TRAPPC12: variants seen among roughly 807,000 people sequenced by gnomAD.
TRAPPC12 encodes trafficking protein particle complex subunit 12, also known as TPR repeat protein 15.
In TRAPPC12, 61 loss-of-function variants were observed where a neutral mutation model predicts 69.2. The observed-to-expected ratio is 0.88, with a 90% CI of 0.72 to 1.09. The LOEUF is 1.09. Among genes scored for constraint, TRAPPC12 ranks in the 50% least tolerant of loss-of-function variants. The pLI, the probability that TRAPPC12 is intolerant of heterozygous loss-of-function variation, is 0.00. For missense variants in TRAPPC12, 1,101 were observed against 1,016.4 expected (o/e 1.08, Z -1.13); for synonymous variants, 469 against 438.9 (o/e 1.07, Z -0.86).
chr2:3,409,656 G>A (rs1351903452), intron 3 of TRAPPC12, among the ~76,000 whole-genome samples: 2 of 150,940 alleles, frequency 1.3e-5, no homozygotes, highest in Admixed American at 1.3e-4. Context: ...AAGCTGAGGT[G>A]GGAGGATTGC....
At chr2:3,465,451 G>A (rs112618136) in intron 8 of TRAPPC12, 146 bp from the exon 9 acceptor site, 13 of 614,360 alleles carry the variant, frequency 2.1e-5, no homozygotes, top group Admixed American at 5.5e-5. Context: ...CGAGCACCGC[G>A]TGCTGGTTTC....
intron 2 of TRAPPC12, among the ~76,000 whole-genome samples, chr2:3,398,414 C>G (rs1661243931): frequency 6.6e-6 from 1 of 152,188 alleles, no homozygotes; most frequent in Non-Finnish European, 1.5e-5. Flanking sequence ...CAGGTGGTCT[C>G]ATTTTTCCCT....
intron 6 of TRAPPC12, chr2:3,454,716 A>C (rs1478988204): frequency 1.3e-5 from 2 of 152,234 alleles, no homozygotes; most frequent in African/African-American, 4.8e-5. Context: ...CTTCTGAAGG[A>C]CCTCATTCCC....
At chr2:3,415,554 C>T (rs1327839952) in intron 3 of TRAPPC12, among the ~76,000 whole-genome samples, 1 of 151,730 alleles carries the variant, frequency 6.6e-6, no homozygotes, top group Non-Finnish European at 1.5e-5. Context: ...CAGGTGCTCA[C>T]CACCACATCT....
chr2:3,449,776 G>A (rs998504803), intron 6 of TRAPPC12, among the ~76,000 whole-genome samples: 3 of 152,156 alleles, frequency 2.0e-5, no homozygotes, highest in Non-Finnish European at 4.4e-5. Context: ...TGCCATCACC[G>A]TGCCTGACCC....
intron 8 of TRAPPC12, 97 bp from the exon 9 acceptor site, chr2:3,465,500 T>C: frequency 1.2e-6 from 1 of 849,362 alleles, no homozygotes; most frequent in East Asian, 2.5e-5. Flanking sequence ...GTGTCCTCTC[T>C]CTACACCGCG....
intron 2 of TRAPPC12, among the ~76,000 whole-genome samples, chr2:3,390,368 AC>A (rs1660757402): frequency 6.6e-6 from 1 of 152,194 alleles, no homozygotes; most frequent in Non-Finnish European, 1.5e-5. Flanking sequence ...ATATTCTTTG[AC>A]CCAGAAATTC....
At chr2:3,415,268 C>T (rs1662308782) in intron 3 of TRAPPC12, among the ~76,000 whole-genome samples, 1 of 152,206 alleles carries the variant, frequency 6.6e-6, no homozygotes, top group Non-Finnish European at 1.5e-5. Context: ...CGTGAAATGT[C>T]CAACACTTTA....
chr2:3,390,262 G>C (rs1417945206), intron 2 of TRAPPC12, among the ~76,000 whole-genome samples: 1 of 152,196 alleles, frequency 6.6e-6, no homozygotes, highest in East Asian at 1.9e-4. Context: ...ACTGTTTGTT[G>C]AAGTGTGGGA....
chr2:3,458,629 A>T (rs577825979), intron 7 of TRAPPC12, among the ~76,000 whole-genome samples: 1 of 152,312 alleles, frequency 6.6e-6, no homozygotes, highest in South Asian at 2.1e-4. Flanking sequence ...ATTTAATTGC[A>T]GGTAGAGTAA....
intron 9 of TRAPPC12, among the ~76,000 whole-genome samples, chr2:3,467,182 A>G (rs534391931): frequency 6.6e-6 from 1 of 152,296 alleles, no homozygotes; most frequent in South Asian, 2.1e-4. Flanking sequence ...TGTGCTAACC[A>G]GGCTGCAAGG....
At chr2:3,466,805 A>G (rs914907165) in intron 9 of TRAPPC12, among the ~76,000 whole-genome samples, 1 of 152,192 alleles carries the variant, frequency 6.6e-6, no homozygotes, top group African/African-American at 2.4e-5. Context: ...CACCATGGGC[A>G]TCGGCTCCTG....
At chr2:3,410,089 C>T (rs1558359055) in intron 3 of TRAPPC12, among the ~76,000 whole-genome samples, 2 of 152,226 alleles carry the variant, frequency 1.3e-5, no homozygotes, top group African/African-American at 2.4e-5. Context: ...TTGGGTTGTT[C>T]TGACTCCTAG....
rs200924915 is a variant in TRAPPC12, at chr2:3,479,322, A to C, written c.2069A>C (p.His690Pro). The C allele has an allele frequency of 4.6e-4, 750 of 1,614,098 alleles. No homozygotes were observed. Among genetic ancestry groups the C allele is most frequent in the Non-Finnish European group, 6.1e-4 (723 of 1,180,058 alleles). Reference sequence around the variant, plus strand: ...CAGCAGGACCCCAGGCACTACCTGCACGAGAGCGTGCTCTTCAACCTGACC... The same window carrying C: ...CAGCAGGACCCCAGGCACTACCTGCCCGAGAGCGTGCTCTTCAACCTGACC... ...MVQQDPRHYL[H>P]ESVLFNLTTM... Residue 690 changes from histidine (H) to proline (P), a missense_variant, in exon 12 of 12, where the codon CAC becomes CCC. His to Pro is a moderately conservative substitution (Grantham distance 77, BLOSUM62 -2). Coordinates refer to ENST00000324266, the MANE Select transcript of TRAPPC12 (RefSeq NM_016030.6).
chr2:3,461,584 AAC>A (rs766290899), intron 8 of TRAPPC12, among the ~76,000 whole-genome samples: 3 of 152,152 alleles, frequency 2.0e-5, no homozygotes, highest in Non-Finnish European at 4.4e-5. Context: ...CCTCTCCTTC[AAC>A]ACACTGGATA....
At chr2:3,464,897 C>T (rs937054452) in intron 8 of TRAPPC12, among the ~76,000 whole-genome samples, 10 of 152,260 alleles carry the variant, frequency 6.6e-5, no homozygotes, top group Admixed American at 5.9e-4. Flanking sequence ...ACGGGCCAGA[C>T]CACCACAGGC....
chr2:3,477,760 T>C lies in TRAPPC12; in HGVS notation c.1842T>C (p.Asp614=), dbSNP rs11548215. The C allele has an allele frequency of 0.096, 154,605 of 1,604,002 alleles. 8,152 individuals carry two copies. Among genetic ancestry groups the C allele is most frequent in the African/African-American group, 0.17 (12,320 of 74,552 alleles). The change falls in exon 10 of 12, where the codon GAT becomes GAC. Residue 614 remains aspartate (D), a synonymous_variant. Transcript: ENST00000324266. ...QDVEKVTQKL[D]GLQGKIMVLM... ...TTGAGAAAGTAACACAGAAATTAGA[T>C]GGACTACAGGGTAAAATCATGGTTT...
chr2:3,469,429 T>C (rs1665966592), intron 9 of TRAPPC12, among the ~76,000 whole-genome samples: 2 of 152,232 alleles, frequency 1.3e-5, no homozygotes, highest in African/African-American at 4.8e-5. Flanking sequence ...GGACGAGGTT[T>C]TGGTTGCAGT....
At chr2:3,411,114 A>G (rs1360289807) in intron 3 of TRAPPC12, among the ~76,000 whole-genome samples, 1 of 152,258 alleles carries the variant, frequency 6.6e-6, no homozygotes, top group African/African-American at 2.4e-5. Context: ...GAGATTCCAT[A>G]TCTACTGTAT....
Sources: gnomAD v4.1 joint callset for allele counts (sites outside exome capture counted in the v4.1 genomes callset) on GRCh38, gnomAD v4.1.1 for gene constraint, MANE v1.5 for transcripts, NCBI Gene and HGNC (gene_info 2026-07-23, HGNC 2026-07-21) for gene names.